LINGO1: variants seen among roughly 807,000 people sequenced by gnomAD.
LINGO1 encodes the protein leucine rich repeat and Ig domain containing 1.
LINGO1 carries 11 observed loss-of-function variants against 37.3 expected under a neutral mutation model. That is an observed-to-expected ratio of 0.29 (90% CI 0.19 to 0.49). The LOEUF (loss-of-function observed/expected upper bound fraction) is 0.49. LINGO1 is among the 20% of genes least tolerant of loss of function. The probability of loss-of-function intolerance (pLI) is 0.99; values close to 1 mark genes in which losing one functional copy is unlikely to be tolerated. For missense variants in LINGO1, 585 were observed against 878.2 expected, an observed-to-expected ratio of 0.67 and a Z score of 4.22; for synonymous variants, 387 against 403.0, an observed-to-expected ratio of 0.96 and a Z score of 0.48.
At chr15:77,727,237 A>C (rs1480650974) in intron 2 of LINGO1, among the ~76,000 whole-genome samples, 2 of 152,248 alleles carry the variant, frequency 1.3e-5, no homozygotes, top group Non-Finnish European at 2.9e-5. Context: ...GTGTGTGCAT[A>C]TATATACATA....
intron 1 of LINGO1, among the ~76,000 whole-genome samples, chr15:77,773,287 C>T (rs909084313): frequency 9.9e-5 from 15 of 152,124 alleles, no homozygotes; most frequent in African/African-American, 3.4e-4. Context: ...AAGAGAGTTG[C>T]CAGGAGCTCT....
At chr15:77,776,534 G>GC (rs1263727606) in intron 1 of LINGO1, among the ~76,000 whole-genome samples, 136 of 29,564 alleles carry the variant, frequency 4.6e-3, no homozygotes, top group Middle Eastern at 0.026. Context: ...GGAAGGGAGG[G>GC]AGGGAGGGAG....
Position 77,798,761 on chromosome 15 carries a change from C to T in LINGO1, c.-457-2708G>A, listed in dbSNP as rs2076893551. Reference sequence around the variant, plus strand: ...CTGCCCTCTTGGCTCCTTGCCACCCCAGTGGAGCCCAGGGAGCTCTCAGCC... The same window carrying T: ...CTGCCCTCTTGGCTCCTTGCCACCCTAGTGGAGCCCAGGGAGCTCTCAGCC... On this transcript the variant is annotated intron_variant, in intron 1 of 5. Coordinates refer to the LINGO1 transcript ENST00000562933. Among the ~76,000 whole-genome samples the T allele has an allele frequency of 2.0e-5, 3 of 152,238 alleles. No individual in the cohort carries two copies. In the South Asian group the frequency reaches 6.2e-4, roughly 31 times the overall value.
upstream of LINGO1, among the ~76,000 whole-genome samples, chr15:77,790,517 G>A (rs7165417): frequency 3.3e-5 from 5 of 152,020 alleles, no homozygotes; most frequent in African/African-American, 9.7e-5. Flanking sequence ...GGGCCAGGGT[G>A]GGGGGTGGTC....
chr15:77,686,993 G>A (rs2075521911), intron 2 of LINGO1, among the ~76,000 whole-genome samples: 1 of 152,208 alleles, frequency 6.6e-6, no homozygotes, highest in Admixed American at 6.5e-5. Flanking sequence ...CAGTGGGAAT[G>A]GACAAACAGG....
intron 3 of LINGO1, among the ~76,000 whole-genome samples, chr15:77,669,825 C>T (rs146680639): frequency 5.3e-4 from 80 of 152,358 alleles, no homozygotes; most frequent in African/African-American, 1.9e-3. Flanking sequence ...GCCTTTCAAA[C>T]CACATCGCCT....
chr15:77,727,417 G>T lies in LINGO1; in HGVS notation c.-195+7575C>A, dbSNP rs76741466. 3.3e-3 allele frequency among the ~76,000 whole-genome samples: 505 copies of T among 152,304 alleles called. 8 individuals are homozygous for T. The highest frequency in any genetic ancestry group is 0.012 in the African/African-American group (486 of 41,556). The stretch of plus-strand genomic sequence containing the variant: ...GGACTATTTTTCAGCCTTAAAAAAG[G>T]AAGGAAACACTGTCACATGCCACAG... On this transcript the variant is annotated intron_variant, in intron 2 of 3. Coordinates refer to the LINGO1 transcript ENST00000561686.
chr15:77,693,642 C>A (rs934646963), intron 1 of LINGO1, among the ~76,000 whole-genome samples: 3 of 152,150 alleles, frequency 2.0e-5, no homozygotes, highest in African/African-American at 7.2e-5. Flanking sequence ...AGATTGAACT[C>A]AAGGGGATCA....
At chr15:77,749,234 T>TAG (rs1017105076) in intron 1 of LINGO1, among the ~76,000 whole-genome samples, 3 of 151,988 alleles carry the variant, frequency 2.0e-5, no homozygotes, top group Non-Finnish European at 2.9e-5. Flanking sequence ...ATGGGGTCCC[T>TAG]AGAGAGAGGT....
At chr15:77,801,037 G>A (rs2076913871) in intron 1 of LINGO1, among the ~76,000 whole-genome samples, 4 of 152,196 alleles carry the variant, frequency 2.6e-5, no homozygotes, top group Non-Finnish European at 4.4e-5. Flanking sequence ...CAAGGATGTG[G>A]GGAAATGAGC....
At chr15:77,765,095 G>GTA (rs2076514383) in intron 1 of LINGO1, among the ~76,000 whole-genome samples, 1 of 152,156 alleles carries the variant, frequency 6.6e-6, no homozygotes, top group Non-Finnish European at 1.5e-5. Flanking sequence ...GAGAGCAGAT[G>GTA]GATGAACGGT....
At chr15:77,803,461 C>CA (rs201352940) in intron 1 of LINGO1, among the ~76,000 whole-genome samples, 3,223 of 148,038 alleles carry the variant, frequency 0.022, 119 homozygotes, top group African/African-American at 0.075. Flanking sequence ...AACAGACAAA[C>CA]AAAAAATCTG....
chr15:77,651,791 C>A lies in LINGO1; in HGVS notation c.-13+25298G>T, dbSNP rs981944063. The A allele has an allele frequency of 2.0e-5, 3 of 152,172 alleles. No individual in the cohort carries two copies. The East Asian group carries it at 5.8e-4, about 29-fold the overall frequency. The allele number at this position is 152,172 out of a possible 1,614,324, so 9.4% of individuals were successfully genotyped here. A position where few individuals can be genotyped will look rare whatever the true frequency, so the allele number is the denominator to read the frequency against. On this transcript the variant is annotated intron_variant, in intron 3 of 3. Coordinates refer to the LINGO1 transcript ENST00000559893. ...CAGTCTGGGGCAGTGCATGGCTGAC[C>A]CCTTTACCTGTTGAACTAGCTGCTT...
At chr15:77,778,536 C>T (rs1412270893) in intron 1 of LINGO1, among the ~76,000 whole-genome samples, 1 of 152,222 alleles carries the variant, frequency 6.6e-6, no homozygotes, top group African/African-American at 2.4e-5. Context: ...GACTTCCCCT[C>T]TCAGATCAGA....
rs541314714 is a variant in LINGO1, at chr15:77,619,379, T to C, written c.7-3479A>G. On this transcript the variant is annotated intron_variant, in intron 1 of 1. Transcript: ENST00000355300. ...ATGAGAGACCTGAGGAATTGAAGTATGTTGGAAGCCGGGCATGGTGGCGCT... is the reference window on the plus strand; with the variant it reads ...ATGAGAGACCTGAGGAATTGAAGTACGTTGGAAGCCGGGCATGGTGGCGCT... 1.3e-3 allele frequency among the ~76,000 whole-genome samples: 204 copies of C among 152,278 alleles called. 1 individual carries two copies. Among genetic ancestry groups the C allele is most frequent in the Non-Finnish European group, 1.4e-3 (93 of 68,028 alleles).
At chr15:77,730,584 ACT>A (rs547907151) in intron 2 of LINGO1, among the ~76,000 whole-genome samples, 194 of 151,944 alleles carry the variant, frequency 1.3e-3, no homozygotes, top group African/African-American at 4.5e-3. Context: ...ACTGGTCCAG[ACT>A]CTCTTTCCCT....
At chr15:77,727,988 A>G (rs941870174) in intron 2 of LINGO1, among the ~76,000 whole-genome samples, 3 of 152,196 alleles carry the variant, frequency 2.0e-5, no homozygotes, top group Non-Finnish European at 4.4e-5. Context: ...ATGCATCTTA[A>G]AACAGGATAA....
chr15:77,626,957 C>A (rs1175479850), intron 1 of LINGO1, among the ~76,000 whole-genome samples: 3 of 135,828 alleles, frequency 2.2e-5, no homozygotes, highest in Admixed American at 7.1e-5. Flanking sequence ...AGTCCCCGCC[C>A]CCCCAACCCC....
chr15:77,739,370 G>T (rs1009684332), intron 1 of LINGO1, among the ~76,000 whole-genome samples: 21 of 152,226 alleles, frequency 1.4e-4, no homozygotes, highest in African/African-American at 4.8e-4. Context: ...GCTGTTTGGA[G>T]CTTTTAAAAA....
Sources: gnomAD v4.1 joint callset for allele counts (sites outside exome capture counted in the v4.1 genomes callset) on GRCh38, gnomAD v4.1.1 for gene constraint, MANE v1.5 for transcripts, NCBI Gene and HGNC (gene_info 2026-07-23, HGNC 2026-07-21) for gene names.